OXR1: variants seen among roughly 807,000 people sequenced by gnomAD.
The protein encoded by OXR1 is oxidation resistance 1.
A neutral mutation model predicts 104.6 loss-of-function variants in OXR1; 41 were observed. The ratio of observed to expected loss-of-function variants is 0.39; its 90% CI spans 0.31 to 0.51. The LOEUF is 0.51. Among genes scored for constraint, OXR1 ranks in the 20% least tolerant of loss-of-function variants. The pLI is 0.77. For missense variants in OXR1, 955 were observed against 1,031.9 expected (o/e 0.93, Z 1.02); for synonymous variants, 348 against 348.4 (o/e 1.00, Z 0.01).
At chr8:106,303,781 A>G (rs546744773) in intron 1 of OXR1, among the ~76,000 whole-genome samples, 1 of 152,302 alleles carries the variant, frequency 6.6e-6, no homozygotes, top group South Asian at 2.1e-4. Flanking sequence ...AATACCCTTC[A>G]GGTAAGTATA....
intron 7 of OXR1, among the ~76,000 whole-genome samples, chr8:106,701,109 C>T (rs1830551389): frequency 6.6e-6 from 1 of 152,044 alleles, no homozygotes; most frequent in Admixed American, 6.5e-5. Flanking sequence ...GGAATACAAA[C>T]TGATGTGTAT....
At chr8:106,469,703 T>C (rs13273085) in intron 2 of OXR1, among the ~76,000 whole-genome samples, 17,857 of 151,860 alleles carry the variant, frequency 0.12, 1,271 homozygotes, top group East Asian at 0.27. Context: ...AGGTCTCCCT[T>C]GGTGTTCCCA....
Position 106,619,936 on chromosome 8 carries a change from CCT to C in OXR1, c.221-59266_221-59265del, listed in dbSNP as rs1354180311. Among the ~76,000 whole-genome samples, 10 of 152,238 alleles carry C rather than the reference CCT, an allele frequency of 6.6e-5. No homozygotes were observed. The South Asian group carries it at 2.1e-3, about 32-fold the overall frequency. ...CCCTTGCTGCTTCTGCCTCTGTATT[CCT>C]CTCTCTCCTCCTCCCTCCTATGCCT... On this transcript the variant is annotated intron_variant, in intron 3 of 16. Coordinates refer to ENST00000517566, the MANE Select transcript of OXR1 (RefSeq NM_001198533.2).
At chr8:106,516,509 A>G (rs191153044) in intron 2 of OXR1, among the ~76,000 whole-genome samples, 236 of 152,282 alleles carry the variant, frequency 1.5e-3, no homozygotes, top group Middle Eastern at 0.01. Context: ...ATTTCAGCTC[A>G]TGAGAAGTAG....
At chr8:106,669,354 A>G (rs528223355) in intron 3 of OXR1, among the ~76,000 whole-genome samples, 1 of 152,194 alleles carries the variant, frequency 6.6e-6, no homozygotes, top group African/African-American at 2.4e-5. Context: ...TCTACTTTCA[A>G]AAATTCAACT....
chr8:106,281,752 A>C (rs980298852), intron 1 of OXR1, among the ~76,000 whole-genome samples: 1 of 148,150 alleles, frequency 6.7e-6, no homozygotes, highest in Non-Finnish European at 1.5e-5. Flanking sequence ...GTAAGCAGAG[A>C]TCGTGCCACT....
At chr8:106,392,396 A>G (rs1817619139) in intron 2 of OXR1, among the ~76,000 whole-genome samples, 1 of 152,170 alleles carries the variant, frequency 6.6e-6, no homozygotes, top group Non-Finnish European at 1.5e-5. Context: ...GATGTCAAGT[A>G]GGCAGTTGGA....
intron 2 of OXR1, among the ~76,000 whole-genome samples, chr8:106,492,966 A>G (rs1043700482): frequency 6.6e-6 from 1 of 152,174 alleles, no homozygotes; most frequent in South Asian, 2.1e-4. Context: ...TCTAAAATGC[A>G]TTGTGGATTT....
chr8:106,405,223 G>GTT (rs1818187078), intron 2 of OXR1, among the ~76,000 whole-genome samples: 2 of 121,864 alleles, frequency 1.6e-5, no homozygotes, highest in African/African-American at 7.4e-5. Context: ...GTGTGTGTGT[G>GTT]TGTGTGTGTG....
At chr8:106,654,469 G>A (rs1363654840) in intron 3 of OXR1, among the ~76,000 whole-genome samples, 1 of 152,014 alleles carries the variant, frequency 6.6e-6, no homozygotes, top group Non-Finnish European at 1.5e-5. Context: ...GGAACAACTG[G>A]ATAGCCACAC....
At chr8:106,288,585 TAC>T (rs1812602731) in intron 1 of OXR1, among the ~76,000 whole-genome samples, 1 of 138,638 alleles carries the variant, frequency 7.2e-6, no homozygotes, top group African/African-American at 3.0e-5. Flanking sequence ...TATATGTATA[TAC>T]ACACCATATA....
chr8:106,707,519 A>G (rs1462135632), intron 9 of OXR1: 6 of 368,652 alleles, frequency 1.6e-5, no homozygotes, highest in East Asian at 9.5e-5. Flanking sequence ...TTTTTCATAT[A>G]TAACATTTTA....
intron 1 of OXR1, among the ~76,000 whole-genome samples, chr8:106,292,927 A>T (rs1812817608): frequency 6.6e-6 from 1 of 152,250 alleles, no homozygotes; most frequent in Admixed American, 6.5e-5. Context: ...CCAAGGGGGC[A>T]GGACTAGAGC....
intron 2 of OXR1, among the ~76,000 whole-genome samples, chr8:106,472,282 A>G (rs1468217383): frequency 2.6e-5 from 4 of 151,814 alleles, no homozygotes; most frequent in African/African-American, 9.7e-5. Context: ...ATATAATCTT[A>G]AAGACCACAT....
At chr8:106,480,871 A>G (rs985779740) in intron 2 of OXR1, among the ~76,000 whole-genome samples, 1 of 152,064 alleles carries the variant, frequency 6.6e-6, no homozygotes, top group Non-Finnish European at 1.5e-5. Flanking sequence ...ATAAAATGTC[A>G]TATGAATCCA....
At chr8:106,737,342 A>G (rs1431037984) in intron 11 of OXR1, among the ~76,000 whole-genome samples, 178 bp from the exon 12 acceptor site, 4 of 150,924 alleles carry the variant, frequency 2.7e-5, no homozygotes, top group South Asian at 2.1e-4. Flanking sequence ...TCATTCATGG[A>G]TATTTCACTC....
At chr8:106,670,438 A>G (rs1283668936) in intron 3 of OXR1, among the ~76,000 whole-genome samples, 1 of 152,324 alleles carries the variant, frequency 6.6e-6, no homozygotes, top group African/African-American at 2.4e-5. Context: ...TAGGCACATG[A>G]CAAGATATGT....
chr8:106,324,511 AT>A (rs1296893525), intron 1 of OXR1, among the ~76,000 whole-genome samples: 51 of 150,436 alleles, frequency 3.4e-4, no homozygotes, highest in South Asian at 1.0e-3. Context: ...AACCTAAAAT[AT>A]TTTTTTTAAA....
chr8:106,680,060 T>G (rs1215509607), intron 4 of OXR1, among the ~76,000 whole-genome samples: 1 of 152,086 alleles, frequency 6.6e-6, no homozygotes, highest in Non-Finnish European at 1.5e-5. Context: ...CAGTCTTGGT[T>G]TGACTCTTAT....
Sources: allele counts gnomAD v4.1 joint callset (sites outside exome capture counted in the v4.1 genomes callset), GRCh38; gene constraint gnomAD v4.1.1; transcripts MANE v1.5; gene names NCBI Gene and HGNC (gene_info 2026-07-23, HGNC 2026-07-21).